The following EPS8 variants were observed in gnomAD, a reference collection of about 807,000 sequenced individuals.
EPS8 encodes epidermal growth factor receptor kinase substrate 8.
A neutral mutation model predicts 103.8 loss-of-function variants in EPS8; 42 were observed. The ratio of observed to expected loss-of-function variants is 0.40; its 90% CI spans 0.32 to 0.52. EPS8 has a LOEUF of 0.52. Ranked by LOEUF, EPS8 falls within the 20% of genes least tolerant of loss-of-function variation. EPS8 has a pLI of 0.40. For synonymous variants in EPS8, 344 were observed against 344.6 expected, an observed-to-expected ratio of 1.00 and a Z score of 0.02; for missense variants, 969 against 1,005.1, an observed-to-expected ratio of 0.96 and a Z score of 0.49.
Position 15,665,881 on chromosome 12 carries a change from T to A in EPS8, c.611A>T (p.Asn204Ile). The A allele has an allele frequency of 6.2e-7, 1 of 1,613,802 alleles. No individual in the cohort carries two copies. Among genetic ancestry groups the A allele is most frequent in the Non-Finnish European group, 8.5e-7 (1 of 1,179,912 alleles). Residue 204 changes from asparagine to isoleucine, a missense_variant, in exon 8 of 21, where the codon AAT (asparagine) becomes ATT (isoleucine). Transcript: ENST00000281172. ...TGGAGGCGGTATACTAGGGTCTGCA[T>A]TGGAAATCATCCTTAAAAAGATGAA... The part of the protein sequence containing the change: ...RRPDALRMIS[N>I]ADPSIPPPPR...
At chr12:15,678,867 T>C (rs1038226334) in intron 3 of EPS8, among the ~76,000 whole-genome samples, 4 of 148,238 alleles carry the variant, frequency 2.7e-5, no homozygotes, top group Admixed American at 1.4e-4. Flanking sequence ...TGAGCCGAGA[T>C]TGCACCAATG....
In EPS8 at chr12:15,620,333, C is replaced by T. The variant is rs993080601; in HGVS notation, c.*984G>A. The T allele has an allele frequency of 1.3e-5, 2 of 152,548 alleles. No homozygotes were observed. Among genetic ancestry groups the T allele is most frequent in the African/African-American group, 2.4e-5 (1 of 41,428 alleles). The allele number at this position is 152,548 out of a possible 1,614,324, so 9.4% of individuals were successfully genotyped here. ...TGTGAAATAATATAACATTTAATGACAAAAATTGTGTTTCCAAAAATAACA... is the reference window on the plus strand; with the variant it reads ...TGTGAAATAATATAACATTTAATGATAAAAATTGTGTTTCCAAAAATAACA... On this transcript the variant is annotated 3_prime_UTR_variant, in exon 21 of 21. Transcript: ENST00000281172.
At chr12:15,628,306 T>C (rs4328258) in intron 18 of EPS8, among the ~76,000 whole-genome samples, 152,245 of 152,322 alleles carry the variant, frequency 1, 76,084 homozygotes, top group Non-Finnish European at 1. Context: ...GCTGACTTAG[T>C]CAGTATATCA....
At position 15,725,507 on chromosome 12, in the gene EPS8, T is replaced by C. The variant is rs1460776165; in HGVS notation, c.-21-42535A>G. On this transcript the variant is annotated intron_variant, in intron 1 of 20. Transcript: ENST00000281172. The surrounding 1 kb of genome is among the most constrained non-coding windows in gnomAD (Gnocchi z 4.5). ...AAAAAAATCTGCATGGGTGTGCACA[T>C]ACATTTTGTAGTTTACACGGCACTT... is the stretch of plus-strand genomic sequence containing the variant. Among the ~76,000 whole-genome samples the C allele has an allele frequency of 6.6e-6, 1 of 150,462 alleles. No individual in the cohort carries two copies. Among genetic ancestry groups the C allele is most frequent in the Non-Finnish European group, 1.5e-5 (1 of 67,780 alleles).
At chr12:15,672,693 C>T (rs1945837481) in intron 3 of EPS8, among the ~76,000 whole-genome samples, 1 of 152,168 alleles carries the variant, frequency 6.6e-6, no homozygotes, top group African/African-American at 2.4e-5. Context: ...CGATAATTGT[C>T]CCTGTGACAG....
Position 15,749,634 on chromosome 12 carries a change from T to C in EPS8, c.-22+39527A>G, listed in dbSNP as rs796539724. ...TACTTGATGATGACAATAACCATTA[T>C]GATAGTGGTAGTGGTAGGAAGAAAA... On this transcript the variant is annotated intron_variant, in intron 1 of 20. Coordinates refer to ENST00000281172, the MANE Select transcript of EPS8 (RefSeq NM_004447.6). This position sits in a 1 kb window ranked among gnomAD's most constrained non-coding sequence, Gnocchi z 4.0. Among the ~76,000 whole-genome samples the C allele has an allele frequency of 2.9e-4, 44 of 152,294 alleles. 1 individual carries two copies. The highest frequency in any genetic ancestry group is 1.0e-3 in the African/African-American group (42 of 41,556).
intron 1 of EPS8, among the ~76,000 whole-genome samples, chr12:15,774,528 T>C (rs1947187128): frequency 6.6e-6 from 1 of 150,384 alleles, no homozygotes; most frequent in Admixed American, 6.7e-5. Context: ...ATAGGCAAGG[T>C]AAGGGAAAGG....
intron 1 of EPS8, among the ~76,000 whole-genome samples, chr12:15,707,465 TCTC>T (rs1946402007): frequency 6.6e-6 from 1 of 151,700 alleles, no homozygotes; most frequent in Admixed American, 6.6e-5. Context: ...GAACAACTAC[TCTC>T]CTTACTATTT....
chr12:15,744,836 T>C (rs561351960), intron 1 of EPS8, among the ~76,000 whole-genome samples: 5 of 152,308 alleles, frequency 3.3e-5, no homozygotes, highest in Non-Finnish European at 7.4e-5. Flanking sequence ...TTTTGTGAAC[T>C]AGCCTAAAAA....
intron 20 of EPS8, 116 bp downstream of exon 20, chr12:15,623,042 A>G (rs975690828): frequency 3.9e-5 from 39 of 996,896 alleles, no homozygotes; most frequent in Non-Finnish European, 5.5e-5. Flanking sequence ...ACAAAAGCAG[A>G]GTTAAATTTA....
chr12:15,641,521 C>T (rs1382086343), intron 16 of EPS8, among the ~76,000 whole-genome samples: 1 of 151,634 alleles, frequency 6.6e-6, no homozygotes, highest in Non-Finnish European at 1.5e-5. Flanking sequence ...CCACTCCCCA[C>T]AAAAAACAAA....
In EPS8 at chr12:15,780,797, CAACA is replaced by C. The variant is rs1393675338; in HGVS notation, c.-22+8360_-22+8363del. The C allele has an allele frequency of 1.3e-5, 2 of 152,126 alleles. No individual in the cohort carries two copies. Among genetic ancestry groups the C allele is most frequent in the African/African-American group, 2.4e-5 (1 of 41,428 alleles). The allele number at this position is 152,126 out of a possible 1,614,324, so 9.4% of individuals were successfully genotyped here. A position where few individuals can be genotyped will look rare whatever the true frequency, so the allele number is the denominator to read the frequency against. On this transcript the variant is annotated intron_variant, in intron 1 of 20. Coordinates refer to ENST00000281172, the MANE Select transcript of EPS8 (RefSeq NM_004447.6). The surrounding 1 kb of genome is among the most constrained non-coding windows in gnomAD (Gnocchi z 4.1). ...TGGTGTCTGGCACAGAACAGATACTCAACAAACACTCGATAAAAGATGAATGAAT... is the reference window on the plus strand; with the variant it reads ...TGGTGTCTGGCACAGAACAGATACTCAACACTCGATAAAAGATGAATGAAT...
At chr12:15,774,603 T>C (rs1385584294) in intron 1 of EPS8, among the ~76,000 whole-genome samples, 1 of 147,360 alleles carries the variant, frequency 6.8e-6, no homozygotes, top group Non-Finnish European at 1.5e-5. Flanking sequence ...TGTACACATA[T>C]AAAATATATA....
chr12:15,674,425 A>C (rs1945868098), intron 3 of EPS8, among the ~76,000 whole-genome samples: 1 of 152,182 alleles, frequency 6.6e-6, no homozygotes. Context: ...TTCCTTTCCC[A>C]CTAGCTTAGT....
rs181725549 is a variant in EPS8 at position 15,654,307 on chromosome 12, C to T, written c.1102-14G>A. ...TGCCTGCACCACCTAAGATAATAAA[C>T]CATTTTTTAGCAAGAAGATTACTAT... is the stretch of plus-strand genomic sequence containing the variant. On this transcript the variant is annotated splice_polypyrimidine_tract_variant and intron_variant, in intron 12 of 20. Coordinates refer to ENST00000281172, the MANE Select transcript of EPS8 (RefSeq NM_004447.6). 1 of 1,609,806 alleles carries T rather than the reference C, an allele frequency of 6.2e-7. No individual in the cohort carries two copies. The highest frequency in any genetic ancestry group is 1.3e-5 in the African/African-American group (1 of 74,898).
rs1946250625 is a variant in EPS8 at position 15,696,890 on chromosome 12, G to A, written c.-21-13918C>T. On this transcript the variant is annotated intron_variant, in intron 1 of 20. Coordinates refer to ENST00000281172, the MANE Select transcript of EPS8 (RefSeq NM_004447.6). The surrounding 1 kb of genome is among the most constrained non-coding windows in gnomAD (Gnocchi z 4.8). The stretch of plus-strand genomic sequence containing the variant: ...TGAAAAAAGGTGTTTGGATTAGCAG[G>A]GAAGGGAGAGTGACCAAAGAACCTT... Among the ~76,000 whole-genome samples the A allele has an allele frequency of 6.6e-6, 1 of 152,110 alleles. No homozygotes were observed. The highest frequency in any genetic ancestry group is 2.4e-5 in the African/African-American group (1 of 41,416).
chr12:15,670,694 A>T (rs190636268), intron 4 of EPS8, among the ~76,000 whole-genome samples, 162 bp downstream of exon 4: 28 of 152,268 alleles, frequency 1.8e-4, no homozygotes, highest in African/African-American at 6.0e-4. Context: ...GACTAACAAG[A>T]TACTTTATAT....
At chr12:15,691,914 G>C (rs760522148) in intron 1 of EPS8, among the ~76,000 whole-genome samples, 5 of 152,130 alleles carry the variant, frequency 3.3e-5, no homozygotes, top group Admixed American at 6.5e-5. Flanking sequence ...CACCAGAAGT[G>C]GAGCCCTCCT....
At chr12:15,683,713 T>C (rs901442137) in intron 1 of EPS8, 5 of 152,130 alleles carry the variant, frequency 3.3e-5, no homozygotes, top group African/African-American at 1.2e-4. Flanking sequence ...AGACAAATAA[T>C]TAGTAAAACT....
Sources: gnomAD v4.1 joint callset for allele counts (sites outside exome capture counted in the v4.1 genomes callset) on GRCh38, gnomAD v4.1.1 for gene constraint, Gnocchi (gnomAD v3.1) non-coding constraint, MANE v1.5 for transcripts, NCBI Gene and HGNC (gene_info 2026-07-23, HGNC 2026-07-21) for gene names.